The following CHD1L variants were observed in gnomAD, a reference collection of about 807,000 sequenced individuals.
CHD1L encodes ATP-dependent chromatin remodeler CHD1L.
A neutral mutation model predicts 115.9 loss-of-function variants in CHD1L; 118 were observed. The observed-to-expected ratio is 1.02, with a 90% CI of 0.88 to 1.19. CHD1L has a LOEUF of 1.19. CHD1L is among the 50% of genes most tolerant of loss of function. CHD1L has a pLI of 0.00. For missense variants in CHD1L, 1,179 were observed against 1,065.3 expected, an observed-to-expected ratio of 1.11 and a Z score of -1.49; for synonymous variants, 411 against 387.1, an observed-to-expected ratio of 1.06 and a Z score of -0.72.
In CHD1L at chr1:147,267,465, A is replaced by G. The variant is rs781808589; in HGVS notation, c.935A>G (p.Gln312Arg). Residue 312 changes from glutamine to arginine, a missense_variant, in exon 9 of 23, where the codon CAG becomes CGG. Gln to Arg is a conservative substitution (Grantham distance 43). Coordinates refer to ENST00000369258, the MANE Select transcript of CHD1L (RefSeq NM_004284.6). The stretch of plus-strand genomic sequence containing the variant: ...GAGACGGCAAAGAAAGTTAAACTAC[A>G]GAACATTTTGTCCCAGCTTCGAAAG... The part of the protein sequence containing the change: ...ENETAKKVKL[Q>R]NILSQLRKCV... 2 of 1,613,372 alleles carry G rather than the reference A, an allele frequency of 1.2e-6. No homozygotes were observed. Among genetic ancestry groups the G allele is most frequent in the East Asian group, 2.2e-5 (1 of 44,838 alleles).
intron 11 of CHD1L, among the ~76,000 whole-genome samples, chr1:147,271,411 C>G (rs1676171802): frequency 6.6e-6 from 1 of 151,988 alleles, no homozygotes; most frequent in African/African-American, 2.4e-5. Context: ...AACAAATAAG[C>G]CAGGGGAAAA....
the CHD1L span, chr1:147,184,498 C>T: frequency 6.5e-7 from 1 of 1,528,940 alleles, no homozygotes; most frequent in Non-Finnish European, 8.8e-7. This position sits in a 1 kb window ranked among gnomAD's most constrained non-coding sequence, Gnocchi z 4.4. Context: ...GATGTTATGT[C>T]TCCTTAGGCC....
chr1:147,260,639 A>G (rs1671612659), intron 6 of CHD1L: 1 of 152,196 alleles, frequency 6.6e-6, no homozygotes, highest in Admixed American at 6.5e-5. Flanking sequence ...TATATCAGAC[A>G]TGTTGTACCC....
intron 16 of CHD1L, 37 bp from the exon 17 acceptor site, chr1:147,285,287 T>C (rs1572120044): frequency 6.3e-7 from 1 of 1,594,438 alleles, no homozygotes; most frequent in East Asian, 2.2e-5. Context: ...GGGAGGAATC[T>C]TCTTGACCCT....
upstream of CHD1L, among the ~76,000 whole-genome samples, chr1:147,239,930 C>T (rs1664718998): frequency 6.6e-6 from 1 of 152,182 alleles, no homozygotes; most frequent in Non-Finnish European, 1.5e-5. Context: ...AAAAACCACT[C>T]ATGAGCAGCC....
chr1:147,252,830 C>G, intron 2 of CHD1L, 95 bp downstream of exon 2: 1 of 1,027,640 alleles, frequency 9.7e-7, no homozygotes, highest in Non-Finnish European at 1.5e-6. Context: ...AAACAAAGCT[C>G]AGTTTCACAA....
At chr1:147,225,119 A>G in the CHD1L span, 4 of 1,597,078 alleles carry the variant, frequency 2.5e-6, no homozygotes, top group African/African-American at 4.0e-5. Flanking sequence ...ACATTTTTCA[A>G]GGAAGACCTT....
chr1:147,176,833 C>T, the CHD1L span, among the ~76,000 whole-genome samples: 2 of 151,952 alleles, frequency 1.3e-5, no homozygotes, highest in East Asian at 1.9e-4. Context: ...CATAAATTTT[C>T]TCATCTGTAA....
chr1:147,181,640 T>C, the CHD1L span, among the ~76,000 whole-genome samples: 1 of 152,198 alleles, frequency 6.6e-6, no homozygotes, highest in Non-Finnish European at 1.5e-5. Context: ...GTTCAGTGGT[T>C]ATGAATTTCA....
At chr1:147,219,398 C>CT in the CHD1L span, among the ~76,000 whole-genome samples, 5,476 of 151,900 alleles carry the variant, frequency 0.036, 100 homozygotes, top group African/African-American at 0.045. Context: ...CTTTCTTTTT[C>CT]TTTTATTTTT....
upstream of CHD1L, among the ~76,000 whole-genome samples, chr1:147,241,662 T>G (rs1284808094): frequency 6.6e-6 from 1 of 152,218 alleles, no homozygotes; most frequent in African/African-American, 2.4e-5. Context: ...TTGCTTGAGT[T>G]TTTATGAATA....
chr1:147,248,342 G>T (rs587678211), intron 1 of CHD1L, among the ~76,000 whole-genome samples: 1 of 152,156 alleles, frequency 6.6e-6, no homozygotes, highest in African/African-American at 2.4e-5. Flanking sequence ...CTGAGTAGCT[G>T]GGATTACAGG....
intron 17 of CHD1L, 73 bp downstream of exon 17, chr1:147,285,560 T>C (rs1159791822): frequency 7.0e-7 from 1 of 1,425,122 alleles, no homozygotes; most frequent in Non-Finnish European, 9.4e-7. Flanking sequence ...CACAGTTGAA[T>C]ATCACTTTAA....
chr1:147,217,290 T>A, the CHD1L span, among the ~76,000 whole-genome samples: 1 of 152,250 alleles, frequency 6.6e-6, no homozygotes, highest in East Asian at 1.9e-4. Context: ...AACTATCTTA[T>A]AGCATTGTTG....
chr1:147,224,236 A>G, the CHD1L span: 1 of 231,222 alleles, frequency 4.3e-6, no homozygotes, highest in South Asian at 5.5e-5. Flanking sequence ...TTACATGGAC[A>G]GATATGATGA....
At chr1:147,211,769 G>T in the CHD1L span, among the ~76,000 whole-genome samples, 1 of 152,148 alleles carries the variant, frequency 6.6e-6, no homozygotes, top group Non-Finnish European at 1.5e-5. Flanking sequence ...AAAACAAAAA[G>T]CCAAGGAGAT....
chr1:147,190,227 CTG>C, the CHD1L span: 1 of 1,610,784 alleles, frequency 6.2e-7, no homozygotes, highest in Admixed American at 1.7e-5. Context: ...TCATTTCACT[CTG>C]TGAGGGCAAT....
At chr1:147,266,167 A>G in intron 8 of CHD1L, 80 bp downstream of exon 8, 1 of 1,312,182 alleles carries the variant, frequency 7.6e-7, no homozygotes, top group Non-Finnish European at 1.1e-6. Flanking sequence ...AATCACACTC[A>G]TTTGTATGAT....
chr1:147,247,074 T>A (rs1321656384), intron 1 of CHD1L, among the ~76,000 whole-genome samples: 1 of 152,200 alleles, frequency 6.6e-6, no homozygotes, highest in Non-Finnish European at 1.5e-5. Flanking sequence ...CCTCTTTTGA[T>A]GGACTGTTTA....
Sources: allele counts gnomAD v4.1 joint callset (sites outside exome capture counted in the v4.1 genomes callset), GRCh38; gene constraint gnomAD v4.1.1; non-coding constraint Gnocchi (gnomAD v3.1); transcripts MANE v1.5; gene names NCBI Gene and HGNC (gene_info 2026-07-23, HGNC 2026-07-21).